RAP1GAP2: variants seen among roughly 807,000 people sequenced by gnomAD.
The protein encoded by RAP1GAP2 is RAP1 GTPase activating protein 2.
RAP1GAP2 carries 27 observed loss-of-function variants against 95.0 expected under a neutral mutation model. The ratio of observed to expected loss-of-function variants is 0.28; its 90% CI spans 0.21 to 0.39. RAP1GAP2 has a LOEUF of 0.39. Among genes scored for constraint, RAP1GAP2 ranks in the 10% least tolerant of loss-of-function variants. The pLI is 1.00. For synonymous variants in RAP1GAP2, 373 were observed against 380.9 expected, an observed-to-expected ratio of 0.98 and a Z score of 0.24; for missense variants, 771 against 970.0, an observed-to-expected ratio of 0.79 and a Z score of 2.72.
chr17:2,975,402 A>T (rs928974150), intron 8 of RAP1GAP2, among the ~76,000 whole-genome samples: 5 of 152,236 alleles, frequency 3.3e-5, no homozygotes, highest in Non-Finnish European at 7.3e-5. Flanking sequence ...AAAGATTTAA[A>T]ATAAAGGAAT....
At chr17:2,971,582 T>A (rs571611422) in intron 8 of RAP1GAP2, among the ~76,000 whole-genome samples, 2 of 152,124 alleles carry the variant, frequency 1.3e-5, no homozygotes, top group African/African-American at 2.4e-5. Context: ...AAAATAAAAA[T>A]AATAATAATA....
rs571634601 is a variant in RAP1GAP2, at chr17:2,859,156, G to T, written c.81-46128G>T. On this transcript the variant is annotated intron_variant, in intron 2 of 24. Transcript: ENST00000254695. ...GACAGAGTCTTGCTCTGTCACCCAG[G>T]CTGGAGTGCAGTGGCACGATCTCGG... Among the ~76,000 whole-genome samples the T allele has an allele frequency of 3.4e-3, 499 of 147,644 alleles. 2 individuals carry two copies. Among genetic ancestry groups the T allele is most frequent in the Non-Finnish European group, 6.0e-3 (405 of 67,220 alleles).
chr17:2,974,155 T>C lies in RAP1GAP2; in HGVS notation c.597-6132T>C, dbSNP rs866095563. On this transcript the variant is annotated intron_variant, in intron 8 of 24. Coordinates refer to ENST00000254695, the MANE Select transcript of RAP1GAP2 (RefSeq NM_015085.5). ...AGGAGATCGAGACCATCCTGGCTAA[T>C]ACGGTGAAACCCTGTCTCTACTAAA... 2.1e-4 allele frequency among the ~76,000 whole-genome samples: 30 copies of C among 145,914 alleles called. No individual in the cohort carries two copies. The South Asian group carries it at 4.1e-3, about 20-fold the overall frequency.
chr17:2,773,428 G>A, upstream of RAP1GAP2, among the ~76,000 whole-genome samples: 1 of 152,258 alleles, frequency 6.6e-6, no homozygotes, highest in South Asian at 2.1e-4. Context: ...TTGTGGTCAG[G>A]TCCTTGCAGA....
rs1236941338 is a variant in RAP1GAP2, at chr17:3,020,535, C to T, written c.1691C>T (p.Ser564Leu). Residue 564 changes from serine to leucine, a missense_variant, in exon 19 of 25, where the codon TCG (serine) becomes TTG (leucine). Physicochemically the swap from Ser to Leu is moderately radical, Grantham distance 145 (BLOSUM62 -2). Coordinates refer to ENST00000254695, the MANE Select transcript of RAP1GAP2 (RefSeq NM_015085.5). Reference sequence around the variant, plus strand: ...TCACGGAGTCCCATCAAGCGACGCTCGGGGCTCTTCCCCCGCCTGCACACG... The same window carrying T: ...TCACGGAGTCCCATCAAGCGACGCTTGGGGCTCTTCCCCCGCCTGCACACG... The part of the protein sequence containing the change: ...NQSRSPIKRR[S>L]GLFPRLHTGS... 6 of 1,613,848 alleles carry T rather than the reference C, an allele frequency of 3.7e-6. No individual in the cohort carries two copies. The highest frequency in any genetic ancestry group is 1.3e-5 in the African/African-American group (1 of 75,056).
At chr17:2,935,256 C>T (rs2043268870) in intron 3 of RAP1GAP2, among the ~76,000 whole-genome samples, 1 of 152,094 alleles carries the variant, frequency 6.6e-6, no homozygotes, top group Non-Finnish European at 1.5e-5. Context: ...ACCTGTAATC[C>T]CAGCACTCTG....
At chr17:2,795,745 G>A (rs2069058336), upstream of RAP1GAP2, among the ~76,000 whole-genome samples, 1 of 152,214 alleles carries the variant, frequency 6.6e-6, no homozygotes, top group African/African-American at 2.4e-5. Context: ...ATGGGGCTTT[G>A]TCAGTATGTG....
chr17:2,896,626 C>T (rs554825550), intron 2 of RAP1GAP2, among the ~76,000 whole-genome samples: 44 of 152,212 alleles, frequency 2.9e-4, no homozygotes, highest in Non-Finnish European at 4.7e-4. Flanking sequence ...ATTGGTCCAT[C>T]GCTCTGAGAT....
At chr17:2,993,887 T>C (rs2151573715) in intron 12 of RAP1GAP2, among the ~76,000 whole-genome samples, 1 of 150,966 alleles carries the variant, frequency 6.6e-6, no homozygotes, top group Non-Finnish European at 1.5e-5. Flanking sequence ...ATTTGAAAAA[T>C]TATAAAAATT....
In RAP1GAP2 at chr17:2,970,273, C is replaced by CAAA. The variant is rs869121536; in HGVS notation, c.596+4651_596+4653dup. Among the ~76,000 whole-genome samples, 581 of 109,384 alleles carry CAAA rather than the reference C, an allele frequency of 5.3e-3. 13 individuals carry two copies. Among genetic ancestry groups the CAAA allele is most frequent in the Middle Eastern group, 0.01 (2 of 194 alleles). 71.8% of individuals were successfully genotyped at this position (109,384 alleles called of 152,430 possible). On this transcript the variant is annotated intron_variant, in intron 8 of 24. Transcript: ENST00000254695. ...TGGGCGACAGAGTGAGACTCTGTCT[C>CAAA]AAAAAAAAAAAAAAAAAAAAAAATA...
At chr17:3,001,592 G>A (rs9911760) in intron 14 of RAP1GAP2, among the ~76,000 whole-genome samples, 3,818 of 61,592 alleles carry the variant, frequency 0.062, 693 homozygotes, top group East Asian at 0.091. Flanking sequence ...GAGGTAACAA[G>A]ATCAGCCTCA....
chr17:2,853,690 G>A (rs1350009079), intron 2 of RAP1GAP2, among the ~76,000 whole-genome samples: 1 of 147,426 alleles, frequency 6.8e-6, no homozygotes, highest in African/African-American at 2.4e-5. Context: ...CGGCGCGGGC[G>A]GCGCGTCTGA....
intron 23 of RAP1GAP2, among the ~76,000 whole-genome samples, 153 bp downstream of exon 23, chr17:3,031,151 G>A (rs1162622593): frequency 6.6e-6 from 1 of 152,254 alleles, no homozygotes; most frequent in African/African-American, 2.4e-5. Context: ...AGCAGGTGCA[G>A]GCCGTGTCTC....
Position 2,894,069 on chromosome 17 carries a change from G to A in RAP1GAP2, c.81-11215G>A, listed in dbSNP as rs113964535. 7.6e-3 allele frequency among the ~76,000 whole-genome samples: 1,158 copies of A among 152,234 alleles called. 11 individuals carry two copies. The highest frequency in any genetic ancestry group is 0.026 in the African/African-American group (1,098 of 41,550). On this transcript the variant is annotated intron_variant, in intron 2 of 24. Coordinates refer to ENST00000254695, the MANE Select transcript of RAP1GAP2 (RefSeq NM_015085.5). ...GGTGGGCAGATCACCTGAGGTCAAG[G>A]GTTTGAGACGAGCCTGGCCAACATG...
intron 3 of RAP1GAP2, among the ~76,000 whole-genome samples, chr17:2,956,641 A>C (rs1012444069): frequency 1.3e-5 from 2 of 152,176 alleles, no homozygotes; most frequent in Non-Finnish European, 2.9e-5. Flanking sequence ...GGGCAGTGAC[A>C]TTAGTCTGAG....
intron 19 of RAP1GAP2, 24 bp downstream of exon 19, chr17:3,020,619 C>T (rs1184765037): frequency 6.2e-6 from 10 of 1,603,048 alleles, no homozygotes; most frequent in Middle Eastern, 3.3e-4. Flanking sequence ...AACCCCTACC[C>T]CAGCCTGACT....
At chr17:3,014,054 C>T (rs4790410) in intron 17 of RAP1GAP2, among the ~76,000 whole-genome samples, 99,785 of 151,522 alleles carry the variant, frequency 0.66, 32,962 homozygotes, top group Admixed American at 0.68. Flanking sequence ...ATACGTCCTA[C>T]GACACACGTC....
chr17:2,840,807 G>C (rs1038891119), intron 2 of RAP1GAP2, among the ~76,000 whole-genome samples: 1 of 152,140 alleles, frequency 6.6e-6, no homozygotes, highest in Non-Finnish European at 1.5e-5. Flanking sequence ...AGACCAGCCT[G>C]GCCAATATGG....
chr17:3,008,093 A>G lies in RAP1GAP2; in HGVS notation c.1442A>G (p.Glu481Gly). 3 of 1,613,996 alleles carry G rather than the reference A, an allele frequency of 1.9e-6. No homozygotes were observed. Among genetic ancestry groups the G allele is most frequent in the Non-Finnish European group, 2.5e-6 (3 of 1,179,886 alleles). ...HTQAMLGLGP[E>G]EDKFENGGHG... The stretch of plus-strand genomic sequence containing the variant: ...CAGGCCATGCTGGGACTGGGCCCAG[A>G]GGAGGACAAGTTTGAGAATGGAGGC... Residue 481 changes from glutamate to glycine, a missense_variant, in exon 17 of 25, where the codon GAG becomes GGG. By Grantham distance (98) the Glu-to-Gly change is moderately conservative. Coordinates refer to ENST00000254695, the MANE Select transcript of RAP1GAP2 (RefSeq NM_015085.5). The surrounding 1 kb of genome is among the most constrained non-coding windows in gnomAD (Gnocchi z 4.2).
Sources: gnomAD v4.1 joint callset for allele counts (sites outside exome capture counted in the v4.1 genomes callset) on GRCh38, gnomAD v4.1.1 for gene constraint, Gnocchi (gnomAD v3.1) non-coding constraint, MANE v1.5 for transcripts, NCBI Gene and HGNC (gene_info 2026-07-23, HGNC 2026-07-21) for gene names.